Variants in FGD4 observed in about 807,000 individuals in gnomAD.
FGD4 encodes the protein FYVE, RhoGEF and PH domain-containing protein 4.
Under a neutral mutation model 102.0 loss-of-function variants are expected in FGD4, and 42 were observed. That is an observed-to-expected ratio of 0.41 (90% confidence interval 0.32 to 0.53). The LOEUF is 0.53. FGD4 is among the 20% of genes least tolerant of loss of function. FGD4 has a pLI of 0.21. For missense variants in FGD4, 902 were observed against 1,078.2 expected, an observed-to-expected ratio of 0.84 and a Z score of 2.29; for synonymous variants, 380 against 375.7, an observed-to-expected ratio of 1.01 and a Z score of -0.13.
intron 15 of FGD4, among the ~76,000 whole-genome samples, chr12:32,635,770 T>G (rs1249175020): frequency 6.6e-6 from 1 of 152,082 alleles, no homozygotes; most frequent in African/African-American, 2.4e-5. Flanking sequence ...ATCCCAGCAC[T>G]TTGGGAGGCT....
chr12:32,621,074 TTTAG>T (rs1257770998), intron 11 of FGD4, among the ~76,000 whole-genome samples: 2 of 152,062 alleles, frequency 1.3e-5, no homozygotes, highest in African/African-American at 4.8e-5. Context: ...AAATACCTGC[TTTAG>T]AAAACAGTCA....
At chr12:32,415,093 A>G (rs1425141606) in intron 1 of FGD4, among the ~76,000 whole-genome samples, 3 of 152,192 alleles carry the variant, frequency 2.0e-5, no homozygotes, top group Non-Finnish European at 4.4e-5. Flanking sequence ...ATATGTTCCA[A>G]AATTCCTCTT....
intron 1 of FGD4, among the ~76,000 whole-genome samples, chr12:32,440,831 T>C (rs944117114): frequency 6.6e-6 from 1 of 152,222 alleles, no homozygotes. Flanking sequence ...TAATCTAGTG[T>C]ATTGCAGCTG....
chr12:32,450,491 GT>G (rs1942744526), intron 1 of FGD4, among the ~76,000 whole-genome samples: 2 of 152,148 alleles, frequency 1.3e-5, no homozygotes, highest in East Asian at 3.9e-4. Flanking sequence ...CTTTTGACAA[GT>G]TCTTATAATT....
At chr12:32,598,355 A>G in intron 4 of FGD4, 142 bp from the exon 5 acceptor site, 3 of 618,692 alleles carry the variant, frequency 4.8e-6, no homozygotes, top group Admixed American at 3.0e-5. Flanking sequence ...CTGGTTTGAC[A>G]TCTCTTGATG....
At chr12:32,490,238 A>G (rs990521594) in intron 1 of FGD4, among the ~76,000 whole-genome samples, 2 of 152,166 alleles carry the variant, frequency 1.3e-5, no homozygotes, top group Non-Finnish European at 2.9e-5. Flanking sequence ...TTGACTAAAA[A>G]TTCTGACATT....
Position 32,544,905 on chromosome 12 carries a change from A to G in FGD4, c.167-19232A>G, listed in dbSNP as rs1008787011. Among the ~76,000 whole-genome samples, 2 of 152,208 alleles carry G rather than the reference A, an allele frequency of 1.3e-5. No individual in the cohort carries two copies. Among genetic ancestry groups the G allele is most frequent in the African/African-American group, 4.8e-5 (2 of 41,458 alleles). On this transcript the variant is annotated intron_variant, in intron 1 of 16. Transcript: ENST00000534526. The surrounding 1 kb of genome is among the most constrained non-coding windows in gnomAD (Gnocchi z 4.1). Reference sequence around the variant, plus strand: ...CTCTCAACCATGACTGCACAGTGGGATTGCCTGGGAAGCTTTAACATACAC... The same window carrying G: ...CTCTCAACCATGACTGCACAGTGGGGTTGCCTGGGAAGCTTTAACATACAC...
chr12:32,604,239 A>ATT (rs11396085), intron 7 of FGD4, among the ~76,000 whole-genome samples: 3 of 150,198 alleles, frequency 2.0e-5, no homozygotes, highest in African/African-American at 7.4e-5. Flanking sequence ...TTGTAGATTG[A>ATT]TTTTTTTTTA....
At chr12:32,465,799 G>C (rs1434803868) in intron 1 of FGD4, among the ~76,000 whole-genome samples, 2 of 152,038 alleles carry the variant, frequency 1.3e-5, no homozygotes, top group African/African-American at 4.8e-5. Flanking sequence ...TGTTTTTTGA[G>C]ACAGGATCTT....
At chr12:32,509,244 T>C (rs942684413) in intron 1 of FGD4, among the ~76,000 whole-genome samples, 5 of 146,118 alleles carry the variant, frequency 3.4e-5, no homozygotes, top group African/African-American at 7.7e-5. Context: ...TTATTCTCTT[T>C]TTTTTTTTTT....
At chr12:32,600,518 G>A in intron 5 of FGD4, 3 of 1,166,918 alleles carry the variant, frequency 2.6e-6, no homozygotes, top group African/African-American at 3.3e-5. Context: ...AGGTATAGTA[G>A]CCCTAGTGAA....
intron 1 of FGD4, among the ~76,000 whole-genome samples, chr12:32,507,855 T>C (rs1938940118): frequency 6.6e-6 from 1 of 152,246 alleles, no homozygotes; most frequent in Admixed American, 6.5e-5. Context: ...TGGGGATTAA[T>C]GTGATGTTCT....
chr12:32,495,560 G>T (rs1937750278), intron 1 of FGD4, among the ~76,000 whole-genome samples: 1 of 151,976 alleles, frequency 6.6e-6, no homozygotes, highest in African/African-American at 2.4e-5. Flanking sequence ...GCCAGGCGTG[G>T]TGGCGGGCAC....
intron 1 of FGD4, among the ~76,000 whole-genome samples, chr12:32,475,098 T>C (rs1943552292): frequency 6.6e-6 from 1 of 152,172 alleles, no homozygotes. Flanking sequence ...TCTATATCCT[T>C]GTTGAGGAAC....
intron 16 of FGD4, 87 bp downstream of exon 16, chr12:32,638,882 A>C: frequency 6.2e-7 from 1 of 1,600,872 alleles, no homozygotes; most frequent in Non-Finnish European, 8.5e-7. Flanking sequence ...TCTGTAGAAC[A>C]AGAGTTCAGG....
rs544355957 is a variant in FGD4 at position 32,599,220 on chromosome 12, C to T, written c.1101+634C>T. Among the ~76,000 whole-genome samples the T allele has an allele frequency of 1.9e-3, 283 of 151,800 alleles. 1 individual carries two copies. Among genetic ancestry groups the T allele is most frequent in the South Asian group, 3.5e-3 (17 of 4,798 alleles). ...TTATAAGAATAACTTTTGGGCTGGG[C>T]GCGGTGGCTCACGCCTGTAATCCCA... On this transcript the variant is annotated intron_variant, in intron 5 of 16. Transcript: ENST00000534526.
chr12:32,437,124 A>C (rs1273611032), intron 1 of FGD4, among the ~76,000 whole-genome samples: 1 of 146,612 alleles, frequency 6.8e-6, no homozygotes, highest in Non-Finnish European at 1.5e-5. Context: ...AAAAAAAAAA[A>C]GGGAAAAAGA....
intron 1 of FGD4, among the ~76,000 whole-genome samples, chr12:32,525,911 G>C (rs1404937073): frequency 6.6e-6 from 1 of 152,226 alleles, no homozygotes; most frequent in African/African-American, 2.4e-5. Context: ...GCCTTCCCAC[G>C]GGGCAGGGCT....
intron 1 of FGD4, among the ~76,000 whole-genome samples, chr12:32,477,862 G>A (rs1295435129): frequency 6.6e-6 from 1 of 152,210 alleles, no homozygotes; most frequent in African/African-American, 2.4e-5. Context: ...TTGTGGTGCA[G>A]CTGTTTGTAG....
Sources: gnomAD v4.1 joint callset for allele counts (sites outside exome capture counted in the v4.1 genomes callset) on GRCh38, gnomAD v4.1.1 for gene constraint, Gnocchi (gnomAD v3.1) non-coding constraint, MANE v1.5 for transcripts, NCBI Gene and HGNC (gene_info 2026-07-23, HGNC 2026-07-21) for gene names.